The following MACROD1 variants were observed in gnomAD, a reference collection of about 807,000 sequenced individuals.
MACROD1 encodes mono-ADP ribosylhydrolase 1.
In MACROD1, 31 loss-of-function variants were observed where a neutral mutation model predicts 41.4. The ratio of observed to expected loss-of-function variants is 0.75; its 90% CI spans 0.56 to 1.01. MACROD1 has a LOEUF of 1.01. Among genes scored for constraint, MACROD1 ranks in the 50% least tolerant of loss-of-function variants. The pLI is 0.00. For synonymous variants in MACROD1, 252 were observed against 203.4 expected (o/e 1.24, Z -2.03); for missense variants, 473 against 460.0 (o/e 1.03, Z -0.26).
intron 1 of MACROD1, among the ~76,000 whole-genome samples, chr11:64,157,060 T>C (rs1390495153): frequency 6.6e-6 from 1 of 152,132 alleles, no homozygotes; most frequent in Non-Finnish European, 1.5e-5. Flanking sequence ...AACAGGGGCC[T>C]TAAGCCAGGA....
intron 1 of MACROD1, among the ~76,000 whole-genome samples, chr11:64,158,150 G>A (rs1945698244): frequency 6.6e-6 from 1 of 152,212 alleles, no homozygotes; most frequent in Admixed American, 6.5e-5. Context: ...GCTGAAATTA[G>A]CCCTGGCTTC....
At chr11:64,131,298 C>T (rs1251753235) in intron 3 of MACROD1, among the ~76,000 whole-genome samples, 1 of 152,198 alleles carries the variant, frequency 6.6e-6, no homozygotes, top group Non-Finnish European at 1.5e-5. Flanking sequence ...CTCACCCCAC[C>T]CACGTGTGGG....
chr11:64,130,088 T>TACC (rs1381906232), intron 3 of MACROD1, among the ~76,000 whole-genome samples: 1 of 151,962 alleles, frequency 6.6e-6, no homozygotes, highest in Non-Finnish European at 1.5e-5. Flanking sequence ...CCGAGAAACC[T>TACC]ACCCCACACC....
chr11:64,011,595 T>G (rs1253489385), intron 4 of MACROD1, among the ~76,000 whole-genome samples: 1 of 151,914 alleles, frequency 6.6e-6, no homozygotes, highest in Non-Finnish European at 1.5e-5. Flanking sequence ...GGGAGTCCAT[T>G]CCGGTGGGGA....
intron 3 of MACROD1, among the ~76,000 whole-genome samples, chr11:64,037,151 G>C (rs890226631): frequency 6.6e-6 from 1 of 152,194 alleles, no homozygotes; most frequent in African/African-American, 2.4e-5. Context: ...ACGGAGGTGA[G>C]GGGTGACTGA....
chr11:64,008,950 C>G (rs991535752), intron 4 of MACROD1: 3 of 152,190 alleles, frequency 2.0e-5, no homozygotes, highest in Non-Finnish European at 2.9e-5. Flanking sequence ...AGGAAGGCGG[C>G]CCTGAATTAA....
chr11:64,114,635 A>G (rs1366989127), intron 3 of MACROD1, among the ~76,000 whole-genome samples: 1 of 151,806 alleles, frequency 6.6e-6, no homozygotes, highest in Non-Finnish European at 1.5e-5. Flanking sequence ...AGGTGCATGC[A>G]TGAATGGATG....
chr11:64,020,994 G>C (rs1180657779), intron 3 of MACROD1, among the ~76,000 whole-genome samples: 1 of 152,126 alleles, frequency 6.6e-6, no homozygotes, highest in Non-Finnish European at 1.5e-5. Context: ...TAGGATTACA[G>C]GTGTGAGTCA....
At chr11:64,133,174 C>A (rs930899406) in intron 3 of MACROD1, among the ~76,000 whole-genome samples, 1 of 152,208 alleles carries the variant, frequency 6.6e-6, no homozygotes, top group Non-Finnish European at 1.5e-5. Flanking sequence ...GGAGCCCCCA[C>A]GCTATGCCCC....
chr11:64,103,087 A>G (rs1304781248), intron 3 of MACROD1: 1 of 152,382 alleles, frequency 6.6e-6, no homozygotes, highest in Non-Finnish European at 1.5e-5. Context: ...AAAACAAAAA[A>G]ACAGGATCCA....
chr11:64,149,079 G>A, intron 3 of MACROD1: 1 of 942,204 alleles, frequency 1.1e-6, no homozygotes, highest in Non-Finnish European at 1.3e-6. Flanking sequence ...AGGTGTATGG[G>A]TAAACTGAGG....
chr11:64,129,400 C>T (rs1945233135), intron 3 of MACROD1, among the ~76,000 whole-genome samples: 1 of 152,236 alleles, frequency 6.6e-6, no homozygotes, highest in Admixed American at 6.5e-5. Context: ...TGGGAGTGCC[C>T]AGCTCAGAAA....
At chr11:64,131,673 C>G (rs1428348941) in intron 3 of MACROD1, among the ~76,000 whole-genome samples, 1 of 152,130 alleles carries the variant, frequency 6.6e-6, no homozygotes, top group Admixed American at 6.5e-5. Context: ...TCTCTGGGAG[C>G]AGAGACTACC....
intron 3 of MACROD1, among the ~76,000 whole-genome samples, chr11:64,066,748 C>T (rs1415689240): frequency 1.3e-5 from 2 of 152,226 alleles, no homozygotes; most frequent in Non-Finnish European, 2.9e-5. Context: ...TCCTTCCTAC[C>T]TTCCAGGCCC....
At position 64,064,835 on chromosome 11, in the gene MACROD1, A is replaced by C. The variant is rs1943967309; in HGVS notation, c.518-49554T>G. Among the ~76,000 whole-genome samples, 1 of 140,242 alleles carries C rather than the reference A, an allele frequency of 7.1e-6. No individual in the cohort carries two copies. Among genetic ancestry groups the C allele is most frequent in the African/African-American group, 2.9e-5 (1 of 34,678 alleles). 92.0% of individuals were successfully genotyped at this position (140,242 alleles called of 152,430 possible). A position where few individuals can be genotyped will look rare whatever the true frequency, so the allele number is the denominator to read the frequency against. On this transcript the variant is annotated intron_variant, in intron 3 of 10. Transcript: ENST00000255681. This position sits in a 1 kb window ranked among gnomAD's most constrained non-coding sequence, Gnocchi z 4.5. The stretch of plus-strand genomic sequence containing the variant: ...CCGGTGGCCAAGAGGCTAGAGTTTC[A>C]CAAGGACCTCATTCATTCATTCATT...
chr11:64,117,285 C>T (rs752324400), intron 3 of MACROD1: 4 of 1,614,036 alleles, frequency 2.5e-6, no homozygotes, highest in Admixed American at 1.7e-5. Context: ...CATGTGGCTG[C>T]GGGACTGGGT....
At chr11:64,114,455 GGATGGATA>G (rs1473307325) in intron 3 of MACROD1, among the ~76,000 whole-genome samples, 1 of 151,166 alleles carries the variant, frequency 6.6e-6, no homozygotes, top group African/African-American at 2.4e-5. Context: ...ATGGATGAAT[GGATGGATA>G]GATGGATGGA....
chr11:64,008,439 GTGT>G (rs1252473754), intron 4 of MACROD1, among the ~76,000 whole-genome samples: 2 of 34,734 alleles, frequency 5.8e-5, no homozygotes, highest in Non-Finnish European at 1.3e-4. Flanking sequence ...GGGACAGGGA[GTGT>G]TGTCCACCTG....
At chr11:64,086,033 C>T (rs1444652316) in intron 3 of MACROD1, among the ~76,000 whole-genome samples, 3 of 152,116 alleles carry the variant, frequency 2.0e-5, no homozygotes, top group African/African-American at 7.2e-5. Context: ...GTGGAGGTGG[C>T]CACAGCCTGT....
Sources: allele counts gnomAD v4.1 joint callset (sites outside exome capture counted in the v4.1 genomes callset), GRCh38; gene constraint gnomAD v4.1.1; non-coding constraint Gnocchi (gnomAD v3.1); transcripts MANE v1.5; gene names NCBI Gene and HGNC (gene_info 2026-07-23, HGNC 2026-07-21).